The following TRPC4 variants were observed in gnomAD, a reference collection of about 807,000 sequenced individuals.
TRPC4 encodes the protein transient receptor potential cation channel subfamily C member 4.
Under a neutral mutation model 99.4 loss-of-function variants are expected in TRPC4, and 49 were observed. That is an observed-to-expected ratio of 0.49 (90% CI 0.39 to 0.63). The LOEUF is 0.63. TRPC4 is among the 20% of genes least tolerant of loss of function. TRPC4 has a pLI of 0.00. For synonymous variants in TRPC4, 454 were observed against 425.9 expected (o/e 1.07, Z -0.81); for missense variants, 898 against 1,152.9 (o/e 0.78, Z 3.20).
rs1331684786 is a variant in TRPC4 at position 37,636,594 on chromosome 13, ATTTGT to A, written c.*304_*308del. 5.0e-6 allele frequency: 1 copy of A among 201,928 alleles called. No homozygotes were observed. Among genetic ancestry groups the A allele is most frequent in the Non-Finnish European group, 9.9e-6 (1 of 101,466 alleles). 12.5% of individuals were successfully genotyped at this position (201,928 alleles called of 1,614,324 possible). The stretch of plus-strand genomic sequence containing the variant: ...TCAACTACCACATGAAATAAATTGC[ATTTGT>A]TTTAATTGAAAAAGATAGCTAAAAT... On this transcript the variant is annotated 3_prime_UTR_variant, in exon 11 of 11. Transcript: ENST00000379705.
At chr13:37,759,340 C>T (rs897873835) in intron 2 of TRPC4, among the ~76,000 whole-genome samples, 2 of 151,560 alleles carry the variant, frequency 1.3e-5, no homozygotes, top group Non-Finnish European at 3.0e-5. Context: ...AGATTGTCTG[C>T]CCTGAGATTG....
chr13:37,637,246 A>G lies in TRPC4; in HGVS notation c.2591T>C (p.Ile864Thr). ...QNAAEQNANQ[I>T]FSVSEEVARQ... ...AGCAACTTCTTCTGAAACAGAGAAG[A>G]TTTGGTTTGCATTTTGCTCAGCAGC... Residue 864 changes from isoleucine (I) to threonine (T), a missense_variant, in exon 11 of 11, where the codon ATC (isoleucine) becomes ACC (threonine). Coordinates refer to ENST00000379705, the MANE Select transcript of TRPC4 (RefSeq NM_016179.4). 1 of 1,613,840 alleles carries G rather than the reference A, an allele frequency of 6.2e-7. No individual in the cohort carries two copies. The highest frequency in any genetic ancestry group is 8.5e-7 in the Non-Finnish European group (1 of 1,179,858).
chr13:37,745,845 C>A (rs1238733572), intron 3 of TRPC4, 92 bp downstream of exon 3: 20 of 1,459,950 alleles, frequency 1.4e-5, no homozygotes, highest in South Asian at 2.7e-5. Context: ...AGAAAATGCT[C>A]TAAAACCCAA....
At chr13:37,782,470 G>A (rs1956865605) in intron 2 of TRPC4, among the ~76,000 whole-genome samples, 1 of 151,964 alleles carries the variant, frequency 6.6e-6, no homozygotes, top group Admixed American at 6.6e-5. Context: ...GTTTGTTAAA[G>A]GATAATATCA....
intron 3 of TRPC4, among the ~76,000 whole-genome samples, chr13:37,739,360 CT>C (rs1286706942): frequency 5.3e-5 from 8 of 152,082 alleles, no homozygotes; most frequent in Non-Finnish European, 1.0e-4. Context: ...GCATTACCAA[CT>C]TTACTTACAT....
At chr13:37,697,378 A>C (rs904528817) in intron 3 of TRPC4, among the ~76,000 whole-genome samples, 1 of 152,206 alleles carries the variant, frequency 6.6e-6, no homozygotes, top group Non-Finnish European at 1.5e-5. Context: ...CTGAAAATTT[A>C]AGAAAGGAAG....
At chr13:37,827,627 A>C (rs532016749) in intron 1 of TRPC4, among the ~76,000 whole-genome samples, 8 of 151,138 alleles carry the variant, frequency 5.3e-5, no homozygotes, top group South Asian at 2.1e-4. Flanking sequence ...CAGTCTGCCC[A>C]TTCTCAGATC....
At chr13:37,825,939 T>C (rs1353749078) in intron 1 of TRPC4, among the ~76,000 whole-genome samples, 1 of 142,994 alleles carries the variant, frequency 7.0e-6, no homozygotes, top group African/African-American at 2.6e-5. Flanking sequence ...AGGACTTGCT[T>C]TATGAATCTG....
intron 7 of TRPC4, 45 bp downstream of exon 7, chr13:37,655,043 C>A (rs769260238): frequency 2.9e-6 from 4 of 1,383,988 alleles, no homozygotes; most frequent in Non-Finnish European, 3.8e-6. Flanking sequence ...AAGAACAACA[C>A]ATTCTAGAGG....
At chr13:37,743,246 C>T (rs12876565) in intron 3 of TRPC4, among the ~76,000 whole-genome samples, 56,446 of 151,870 alleles carry the variant, frequency 0.37, 11,976 homozygotes, top group Non-Finnish European at 0.49. Flanking sequence ...TTGTTACATG[C>T]TATATGTTTT....
At chr13:37,794,060 C>T (rs997637441) in intron 1 of TRPC4, among the ~76,000 whole-genome samples, 2 of 151,942 alleles carry the variant, frequency 1.3e-5, no homozygotes, top group African/African-American at 4.8e-5. Flanking sequence ...ATTTTACTGT[C>T]ACAGGAAAAT....
intron 3 of TRPC4, among the ~76,000 whole-genome samples, chr13:37,717,769 A>G (rs1954727385): frequency 6.6e-6 from 1 of 152,066 alleles, no homozygotes; most frequent in African/African-American, 2.4e-5. Flanking sequence ...TGCTTAAGCT[A>G]CCCAGTAAGG....
intron 1 of TRPC4, among the ~76,000 whole-genome samples, chr13:37,812,897 A>C (rs114073226): frequency 0.025 from 3,779 of 152,112 alleles, 94 homozygotes; most frequent in African/African-American, 0.069. Context: ...GAAAACAAAA[A>C]ATGACATGCC....
At chr13:37,728,557 C>T (rs1034980093) in intron 3 of TRPC4, among the ~76,000 whole-genome samples, 1 of 151,928 alleles carries the variant, frequency 6.6e-6, no homozygotes, top group Non-Finnish European at 1.5e-5. Context: ...TGAAAGATGT[C>T]CCACATTCAT....
intron 1 of TRPC4, among the ~76,000 whole-genome samples, chr13:37,824,383 C>G (rs1332840124): frequency 6.6e-6 from 1 of 150,594 alleles, no homozygotes; most frequent in Non-Finnish European, 1.5e-5. Flanking sequence ...AGTTTTTGCC[C>G]ATTCAGTATG....
In TRPC4 at chr13:37,663,597, C is replaced by G; in HGVS notation, c.1507G>C (p.Gly503Arg). Residue 503 changes from glycine (G) to arginine (R), a missense_variant, in exon 6 of 11, where the codon GGA becomes CGA. Transcript: ENST00000379705. ...ISLFTANSHL[G>R]PLQISLGRML... ...CTTCCCAGAGATATTTGCAGAGGTCCCAGGTGAGAATTTGCAGTAAACAGT... is the reference window on the plus strand; with the variant it reads ...CTTCCCAGAGATATTTGCAGAGGTCGCAGGTGAGAATTTGCAGTAAACAGT... The G allele has an allele frequency of 6.2e-7, 1 of 1,614,000 alleles. No homozygotes were observed. Among genetic ancestry groups the G allele is most frequent in the Non-Finnish European group, 8.5e-7 (1 of 1,179,996 alleles).
chr13:37,792,065 G>T (rs541949142), intron 1 of TRPC4, among the ~76,000 whole-genome samples: 1 of 152,210 alleles, frequency 6.6e-6, no homozygotes, highest in South Asian at 2.1e-4. Flanking sequence ...TCTGATTTCT[G>T]ATTTTAAAGA....
At chr13:37,771,247 A>C (rs1956542899) in intron 2 of TRPC4, among the ~76,000 whole-genome samples, 3 of 151,718 alleles carry the variant, frequency 2.0e-5, no homozygotes, top group Admixed American at 1.3e-4. Context: ...GGAAATTTTA[A>C]AGTTATAAGA....
At chr13:37,797,002 A>T (rs528267825) in intron 1 of TRPC4, among the ~76,000 whole-genome samples, 1 of 148,144 alleles carries the variant, frequency 6.8e-6, no homozygotes, top group Non-Finnish European at 1.5e-5. Context: ...AGTAAAGTAA[A>T]GTAAAATAAA....
Sources: allele counts gnomAD v4.1 joint callset (sites outside exome capture counted in the v4.1 genomes callset), GRCh38; gene constraint gnomAD v4.1.1; transcripts MANE v1.5; gene names NCBI Gene and HGNC (gene_info 2026-07-23, HGNC 2026-07-21).